Variants in CCDC146 observed in about 807,000 individuals in gnomAD.
CCDC146 encodes the protein coiled-coil domain-containing protein 146.
CCDC146 carries 92 observed loss-of-function variants against 119.3 expected under a neutral mutation model. The observed-to-expected ratio is 0.77, with a 90% CI of 0.65 to 0.92. The LOEUF (loss-of-function observed/expected upper bound fraction) is 0.92. Among genes scored for constraint, CCDC146 ranks in the 40% least tolerant of loss-of-function variants. CCDC146 has a pLI of 0.00. For missense variants in CCDC146, 1,000 were observed against 1,103.0 expected (o/e 0.91, Z 1.32); for synonymous variants, 372 against 371.8 (o/e 1.00, Z -0.01).
intron 2 of CCDC146, among the ~76,000 whole-genome samples, chr7:77,190,150 G>A (rs1012634647): frequency 6.6e-6 from 1 of 152,190 alleles, no homozygotes. Flanking sequence ...CCATAAGTCT[G>A]AGTTCGAAGA....
intron 1 of CCDC146, among the ~76,000 whole-genome samples, chr7:77,123,811 CT>C (rs1314667211): frequency 1.3e-5 from 2 of 152,310 alleles, no homozygotes; most frequent in Admixed American, 6.5e-5. Context: ...ATCATTGCCT[CT>C]TTTCTGTCCT....
At position 77,241,904 on chromosome 7, in the gene CCDC146, A is replaced by T; in HGVS notation, c.449+4A>T. ...ATAATCAGTACAGATTAAATAGGTA[A>T]GTGCACAGTTCTCTCCGGCACACTG... On this transcript the variant is annotated splice_donor_region_variant and intron_variant, in intron 4 of 18. Coordinates refer to ENST00000285871, the MANE Select transcript of CCDC146 (RefSeq NM_020879.3). 1 of 1,599,714 alleles carries T rather than the reference A, an allele frequency of 6.3e-7. No individual in the cohort carries two copies.
chr7:77,240,259 T>C (rs1792818289), intron 3 of CCDC146, among the ~76,000 whole-genome samples: 1 of 152,226 alleles, frequency 6.6e-6, no homozygotes, highest in South Asian at 2.1e-4. Context: ...TTCTCTGTTG[T>C]CTCCTGCTGT....
chr7:77,279,010 G>C lies in CCDC146; in HGVS notation c.1603G>C (p.Ala535Pro). 1 of 1,612,614 alleles carries C rather than the reference G, an allele frequency of 6.2e-7. No individual in the cohort carries two copies. The highest frequency in any genetic ancestry group is 8.5e-7 in the Non-Finnish European group (1 of 1,179,346). The change falls in exon 13 of 19, where the codon GCT becomes CCT. Residue 535 changes from alanine to proline, a missense_variant. Ala to Pro is a conservative substitution (Grantham distance 27). Transcript: ENST00000285871. ...RNKFVNLLHKAHQKVNEIKER... is the reference protein window; with the variant it reads ...RNKFVNLLHKPHQKVNEIKER... ...CAAATTTGTTAACTTACTCCACAAA[G>C]CTCATCAGAAAGTAAATGAAATAAA...
rs760762931 is a variant in CCDC146, at chr7:77,274,623, C to A, written c.1411C>A (p.Gln471Lys). The change falls in exon 11 of 19, where the codon CAA (glutamine) becomes AAA (lysine). Residue 471 changes from glutamine (Q) to lysine (K), a missense_variant. By Grantham distance (53) the Gln-to-Lys change is moderately conservative. Around this residue, in one of 2 missense-constraint regions of CCDC146, gnomAD observed 985 missense variants for 1,045.3 expected, o/e 0.94. Coordinates refer to ENST00000285871, the MANE Select transcript of CCDC146 (RefSeq NM_020879.3). ...TCAAATCAAAATTGATGAAAAGGAA[C>A]AAAAGTCCAAGGATTTCCTGAAAGC... ...MTQIKIDEKE[Q>K]KSKDFLKAQQ... The A allele has an allele frequency of 4.3e-6, 7 of 1,609,948 alleles. No individual in the cohort carries two copies. Among genetic ancestry groups the A allele is most frequent in the Non-Finnish European group, 5.9e-6 (7 of 1,178,930 alleles).
At chr7:77,294,535 T>A in intron 18 of CCDC146, 128 bp from the exon 19 acceptor site, 10 of 618,184 alleles carry the variant, frequency 1.6e-5, no homozygotes, top group East Asian at 3.2e-5. Flanking sequence ...ACCCCTCCCA[T>A]CCCTTTGGGG....
chr7:77,199,475 C>T lies in CCDC146; in HGVS notation c.156+31651C>T, dbSNP rs202191037. 4.4e-4 allele frequency: 708 copies of T among 1,614,128 alleles called. 2 individuals carry two copies. Among genetic ancestry groups the T allele is most frequent in the Admixed American group, 4.5e-4 (27 of 60,010 alleles). The stretch of plus-strand genomic sequence containing the variant: ...AACAGTCCGTTTCTGCCTGGGTCTC[C>T]GTTGTCATCAGCCTGCAGCTTGCAG... On this transcript the variant is annotated intron_variant, in intron 2 of 18. Coordinates refer to ENST00000285871, the MANE Select transcript of CCDC146 (RefSeq NM_020879.3).
rs377646616 is a variant in CCDC146, at chr7:77,279,836, CTA to C, written c.1695-591_1695-590del. ...GCCAAGATCTTCTGGACTCTTTCAC[CTA>C]TGTTAGTAAACAGTACACGATCAGG... On this transcript the variant is annotated intron_variant, in intron 13 of 18. Coordinates refer to ENST00000285871, the MANE Select transcript of CCDC146 (RefSeq NM_020879.3). Among the ~76,000 whole-genome samples, 84 of 152,250 alleles carry C rather than the reference CTA, an allele frequency of 5.5e-4. 2 individuals are homozygous for C. In the East Asian group the frequency reaches 0.016, roughly 28 times the overall value.
chr7:77,185,251 A>G (rs79342221), intron 2 of CCDC146, among the ~76,000 whole-genome samples: 3,082 of 152,328 alleles, frequency 0.02, 104 homozygotes, highest in East Asian at 0.14. Flanking sequence ...GTATGCAGAA[A>G]CAAGAATCTC....
intron 2 of CCDC146, among the ~76,000 whole-genome samples, chr7:77,170,170 T>C (rs1562821827): frequency 6.6e-6 from 1 of 152,186 alleles, no homozygotes; most frequent in Non-Finnish European, 1.5e-5. Context: ...GTTATTCTCA[T>C]GTTTTTGTCC....
rs1489000992 is a variant in CCDC146 at position 77,237,033 on chromosome 7, T to C, written c.239+4T>C. 3 of 1,611,202 alleles carry C rather than the reference T, an allele frequency of 1.9e-6. No homozygotes were observed. The highest frequency in any genetic ancestry group is 2.2e-5 in the South Asian group (2 of 91,006). On this transcript the variant is annotated splice_donor_region_variant and intron_variant, in intron 3 of 18. Transcript: ENST00000285871. ...TGCTGCATGACGCCGTGATGAGGTATGCAATTTACCAATATGGAGACATGA... is the reference window on the plus strand; with the variant it reads ...TGCTGCATGACGCCGTGATGAGGTACGCAATTTACCAATATGGAGACATGA...
intron 1 of CCDC146, among the ~76,000 whole-genome samples, chr7:77,142,508 G>A (rs1258789040): frequency 1.3e-5 from 2 of 151,754 alleles, no homozygotes; most frequent in African/African-American, 4.8e-5. Flanking sequence ...TACATGTGCT[G>A]CACCCATTAA....
chr7:77,151,122 A>G (rs149911136), intron 1 of CCDC146, among the ~76,000 whole-genome samples: 1,570 of 152,072 alleles, frequency 0.01, 24 homozygotes, highest in African/African-American at 0.036. Context: ...CAGACTGCCA[A>G]CTTCTCATTG....
chr7:77,276,641 T>TG (rs1793646833), intron 11 of CCDC146, among the ~76,000 whole-genome samples: 2 of 152,152 alleles, frequency 1.3e-5, no homozygotes, highest in South Asian at 4.1e-4. Context: ...GTGAAGTTCA[T>TG]GGAGTAGTTG....
At chr7:77,293,901 A>T (rs1793997181) in intron 18 of CCDC146, among the ~76,000 whole-genome samples, 1 of 152,212 alleles carries the variant, frequency 6.6e-6, no homozygotes, top group South Asian at 2.1e-4. Context: ...AACTCAAGAC[A>T]AAACTGCATT....
chr7:77,190,266 C>A (rs943844667), intron 2 of CCDC146, among the ~76,000 whole-genome samples: 2 of 152,198 alleles, frequency 1.3e-5, no homozygotes, highest in African/African-American at 2.4e-5. Context: ...CTCAAGATAG[C>A]CTGTTGAATC....
chr7:77,293,048 C>A lies in CCDC146; in HGVS notation c.2512C>A (p.Gln838Lys). The A allele has an allele frequency of 1.2e-6, 2 of 1,614,112 alleles. No individual in the cohort carries two copies. The highest frequency in any genetic ancestry group is 1.7e-6 in the Non-Finnish European group (2 of 1,180,010). ...SMKQALTIEL[Q>K]KEVREKEDFI... Reference sequence around the variant, plus strand: ...GAAACAAGCCCTAACCATTGAACTCCAAAAGGAAGTCAGGGAGAAAGAAGA... The same window carrying A: ...GAAACAAGCCCTAACCATTGAACTCAAAAAGGAAGTCAGGGAGAAAGAAGA... Residue 838 changes from glutamine (Q) to lysine (K), a missense_variant, in exon 18 of 19, where the codon CAA becomes AAA. Around this residue, in one of 2 missense-constraint regions of CCDC146, gnomAD observed 985 missense variants for 1,045.3 expected, o/e 0.94. Coordinates refer to ENST00000285871, the MANE Select transcript of CCDC146 (RefSeq NM_020879.3).
intron 17 of CCDC146, among the ~76,000 whole-genome samples, chr7:77,288,971 C>T (rs1793896158): frequency 6.6e-6 from 1 of 152,202 alleles, no homozygotes; most frequent in Admixed American, 6.5e-5. Flanking sequence ...CTATCTTTGC[C>T]ATTTTTATTT....
Position 77,294,909 on chromosome 7 carries a change from C to A in CCDC146, c.*43C>A. 6.5e-7 allele frequency: 1 copy of A among 1,528,886 alleles called. No individual in the cohort carries two copies. Among genetic ancestry groups the A allele is most frequent in the Non-Finnish European group, 9.0e-7 (1 of 1,112,174 alleles). The allele number at this position is 1,528,886 out of a possible 1,614,324, so 94.7% of individuals were successfully genotyped here. A position where few individuals can be genotyped will look rare whatever the true frequency, so the allele number is the denominator to read the frequency against. On this transcript the variant is annotated 3_prime_UTR_variant, in exon 19 of 19. Transcript: ENST00000285871. Reference sequence around the variant, plus strand: ...GGCCTCTCAAGGAAAAGACTTCAACCAGGCTTCCTTGTACCCACAGGTGAA... The same window carrying A: ...GGCCTCTCAAGGAAAAGACTTCAACAAGGCTTCCTTGTACCCACAGGTGAA...
Sources: allele counts gnomAD v4.1 joint callset (sites outside exome capture counted in the v4.1 genomes callset), GRCh38; gene constraint gnomAD v4.1.1; regional missense constraint gnomAD v4.1.1; transcripts MANE v1.5; gene names NCBI Gene and HGNC (gene_info 2026-07-23, HGNC 2026-07-21).